CFAP61: variants seen among roughly 807,000 people sequenced by gnomAD.
The protein encoded by CFAP61 is cilia and flagella associated protein 61, also known as cilia- and flagella-associated protein 61.
In CFAP61, 107 loss-of-function variants were observed where a neutral mutation model predicts 135.6. That is an observed-to-expected ratio of 0.79 (90% CI 0.67 to 0.93). The LOEUF (loss-of-function observed/expected upper bound fraction) is 0.93. Ranked by LOEUF, CFAP61 falls within the 40% of genes least tolerant of loss-of-function variation. CFAP61 has a pLI of 0.00. For synonymous variants in CFAP61, 575 were observed against 578.5 expected (o/e 0.99, Z 0.09); for missense variants, 1,507 against 1,556.2 (o/e 0.97, Z 0.53).
chr20:20,068,125 C>T (rs2045437864), intron 2 of CFAP61, among the ~76,000 whole-genome samples: 1 of 152,184 alleles, frequency 6.6e-6, no homozygotes, highest in African/African-American at 2.4e-5. Flanking sequence ...AAATGCATTT[C>T]GTTAGAATTG....
chr20:20,281,096 A>G (rs895470892), intron 22 of CFAP61, among the ~76,000 whole-genome samples: 30 of 152,284 alleles, frequency 2.0e-4, no homozygotes, highest in Admixed American at 7.8e-4. Context: ...ACAAAATGCA[A>G]TTTATTTTCT....
chr20:20,086,144 GTTTC>G (rs1168928502), intron 6 of CFAP61, among the ~76,000 whole-genome samples: 1 of 144,480 alleles, frequency 6.9e-6, no homozygotes, highest in Non-Finnish European at 1.5e-5. Context: ...GACTTTGCCA[GTTTC>G]TTTTTTTTTT....
At chr20:20,212,505 C>T (rs920837292) in intron 17 of CFAP61, among the ~76,000 whole-genome samples, 14 of 152,202 alleles carry the variant, frequency 9.2e-5, no homozygotes, top group African/African-American at 3.4e-4. Flanking sequence ...CACCAAGAGC[C>T]AGGTGTGCAC....
chr20:20,289,133 C>A (rs974036211), intron 23 of CFAP61, among the ~76,000 whole-genome samples, 197 bp downstream of exon 23: 26 of 152,118 alleles, frequency 1.7e-4, no homozygotes, highest in African/African-American at 5.8e-4. Context: ...TATTACGGTT[C>A]TTTGCATTTG....
At chr20:20,217,297 C>G (rs2048103330) in intron 17 of CFAP61, among the ~76,000 whole-genome samples, 1 of 152,214 alleles carries the variant, frequency 6.6e-6, no homozygotes. Flanking sequence ...TTAATTTCTT[C>G]AGACTAAGTC....
chr20:20,321,992 A>G (rs1208062001), intron 25 of CFAP61, among the ~76,000 whole-genome samples: 1 of 152,168 alleles, frequency 6.6e-6, no homozygotes, highest in African/African-American at 2.4e-5. Context: ...GGCCTGACAT[A>G]TAAGAAGTCT....
chr20:20,072,195 A>C (rs185115219), intron 3 of CFAP61, among the ~76,000 whole-genome samples: 1 of 132,880 alleles, frequency 7.5e-6, no homozygotes, highest in Non-Finnish European at 1.5e-5. Context: ...GCTTACTGCA[A>C]GCTCTGCCTC....
At chr20:20,052,844 T>G (rs1230883738) in intron 1 of CFAP61, 1 of 932,644 alleles carries the variant, frequency 1.1e-6, no homozygotes, top group Non-Finnish European at 1.6e-6. Flanking sequence ...TAGGCTGCAA[T>G]GCCTCGAGCA....
chr20:20,251,536 CTAAT>C (rs1392209209), intron 19 of CFAP61, 55 bp from the exon 20 acceptor site: 24 of 1,557,924 alleles, frequency 1.5e-5, no homozygotes, highest in Non-Finnish European at 2.0e-5. Flanking sequence ...CACCAGATGT[CTAAT>C]TAATGCCCGC....
intron 25 of CFAP61, among the ~76,000 whole-genome samples, chr20:20,330,121 C>T (rs1767562413): frequency 6.6e-6 from 1 of 152,050 alleles, no homozygotes; most frequent in Non-Finnish European, 1.5e-5. Context: ...AAATTGTACC[C>T]TTTTTAGTGG....
chr20:20,339,573 G>A (rs1376550493), intron 25 of CFAP61, among the ~76,000 whole-genome samples: 2 of 152,044 alleles, frequency 1.3e-5, no homozygotes, highest in Admixed American at 1.3e-4. Flanking sequence ...GGGCTCAAGC[G>A]ATCCTCCCAC....
At chr20:20,134,091 A>G (rs967186353) in intron 8 of CFAP61, among the ~76,000 whole-genome samples, 1 of 152,204 alleles carries the variant, frequency 6.6e-6, no homozygotes, top group African/African-American at 2.4e-5. Flanking sequence ...AAGACAAACA[A>G]CTTTACAATA....
chr20:20,324,819 C>G (rs960102438), intron 25 of CFAP61, among the ~76,000 whole-genome samples: 17 of 152,240 alleles, frequency 1.1e-4, no homozygotes, highest in African/African-American at 3.8e-4. Flanking sequence ...TGAATCTTTT[C>G]ATAGGTTTAT....
chr20:20,357,065 T>G, intron 26 of CFAP61, among the ~76,000 whole-genome samples: 1 of 81,562 alleles, frequency 1.2e-5, no homozygotes, highest in Non-Finnish European at 2.7e-5. Flanking sequence ...TGAGGGGAAG[T>G]GGTCACACTG....
At chr20:20,106,023 TATATATATATATATATATATATATATAA>T (rs1238126863) in intron 8 of CFAP61, among the ~76,000 whole-genome samples, 2 of 75,274 alleles carry the variant, frequency 2.7e-5, no homozygotes, top group Admixed American at 1.4e-4. Context: ...TATATATATA[TATATATATATATATATATATATATATAA>T]AATTTGATTT....
At chr20:20,121,815 G>C (rs2049660302) in intron 8 of CFAP61, among the ~76,000 whole-genome samples, 1 of 152,034 alleles carries the variant, frequency 6.6e-6, no homozygotes, top group Admixed American at 6.6e-5. Context: ...GCTTTCAACT[G>C]CCATTTTGTT....
intron 21 of CFAP61, among the ~76,000 whole-genome samples, chr20:20,276,211 G>A (rs761857010): frequency 1.1e-4 from 17 of 152,146 alleles, no homozygotes; most frequent in Non-Finnish European, 2.4e-4. Flanking sequence ...TAATACACTT[G>A]CCATTTATTT....
intron 21 of CFAP61, among the ~76,000 whole-genome samples, chr20:20,264,650 G>C (rs945968407): frequency 6.6e-6 from 1 of 152,108 alleles, no homozygotes; most frequent in Non-Finnish European, 1.5e-5. Context: ...ATATCACTCT[G>C]GGGGGCCAAG....
At chr20:20,177,832 G>T (rs2054753871) in intron 13 of CFAP61, among the ~76,000 whole-genome samples, 1 of 151,744 alleles carries the variant, frequency 6.6e-6, no homozygotes, top group African/African-American at 2.4e-5. Context: ...TGCCTAGGGT[G>T]ACAGGAAGGG....
Sources: gnomAD v4.1 joint callset for allele counts (sites outside exome capture counted in the v4.1 genomes callset) on GRCh38, gnomAD v4.1.1 for gene constraint, MANE v1.5 for transcripts, NCBI Gene and HGNC (gene_info 2026-07-23, HGNC 2026-07-21) for gene names.